Variants in CADPS observed in about 807,000 individuals in gnomAD.
The protein encoded by CADPS is calcium-dependent secretion activator 1.
Under a neutral mutation model 167.3 loss-of-function variants are expected in CADPS, and 57 were observed. The observed-to-expected ratio is 0.34, with a 90% CI of 0.28 to 0.42. The LOEUF is 0.42. CADPS is among the 20% of genes least tolerant of loss of function. The probability of loss-of-function intolerance (pLI) is 1.00; values close to 1 mark genes in which losing one functional copy is unlikely to be tolerated. For synonymous variants in CADPS, 676 were observed against 635.3 expected, an observed-to-expected ratio of 1.06 and a Z score of -0.96; for missense variants, 1,414 against 1,738.1, an observed-to-expected ratio of 0.81 and a Z score of 3.32.
chr3:62,580,059 A>T (rs115315766), intron 8 of CADPS, among the ~76,000 whole-genome samples: 4,275 of 152,244 alleles, frequency 0.028, 101 homozygotes, highest in South Asian at 0.049. Flanking sequence ...TGAGAGGCTG[A>T]GGTGGGAGGA....
At position 62,715,753 on chromosome 3, in the gene CADPS, CTTTTTT is replaced by C. The variant is rs71123291; in HGVS notation, c.888+37682_888+37687del. ...ATTTCAATTTATAATGATTATAAATCTTTTTTTTTTTTTTTTTTTTTGAGATGGAGT... is the reference window on the plus strand; with the variant it reads ...ATTTCAATTTATAATGATTATAAATCTTTTTTTTTTTTTTTGAGATGGAGT... On this transcript the variant is annotated intron_variant, in intron 3 of 29. Coordinates refer to ENST00000383710, the MANE Select transcript of CADPS (RefSeq NM_003716.4). Among the ~76,000 whole-genome samples the C allele has an allele frequency of 1.7e-4, 15 of 89,714 alleles. No individual in the cohort carries two copies. The Admixed American group carries it at 2.3e-3, about 14-fold the overall frequency. 58.9% of individuals were successfully genotyped at this position (89,714 alleles called of 152,430 possible). A position where few individuals can be genotyped will look rare whatever the true frequency, so the allele number is the denominator to read the frequency against.
intron 21 of CADPS, among the ~76,000 whole-genome samples, chr3:62,483,634 G>A (rs1289964742): frequency 6.6e-6 from 1 of 152,010 alleles, no homozygotes; most frequent in African/African-American, 2.4e-5. Flanking sequence ...GAACTAAAGG[G>A]TGCTCTTGTG....
chr3:62,479,087 G>A (rs1233627978), intron 22 of CADPS, among the ~76,000 whole-genome samples: 3 of 152,182 alleles, frequency 2.0e-5, no homozygotes, highest in Non-Finnish European at 2.9e-5. Flanking sequence ...GAGGTGAGTC[G>A]AGACAGTGGA....
chr3:62,520,716 T>C (rs2070313091), intron 13 of CADPS, among the ~76,000 whole-genome samples: 1 of 152,212 alleles, frequency 6.6e-6, no homozygotes, highest in Non-Finnish European at 1.5e-5. Flanking sequence ...CCAGAATTGC[T>C]CTGAAATGGT....
chr3:62,669,584 G>A (rs7647695), intron 3 of CADPS, among the ~76,000 whole-genome samples: 2,267 of 152,268 alleles, frequency 0.015, 57 homozygotes, highest in African/African-American at 0.05. Flanking sequence ...GTAGAACACG[G>A]TCAGCAGGTG....
chr3:62,786,039 C>T (rs1270802846), intron 1 of CADPS, among the ~76,000 whole-genome samples: 1 of 151,718 alleles, frequency 6.6e-6, no homozygotes, highest in Admixed American at 6.6e-5. Flanking sequence ...GTGGTGAAAC[C>T]CCGTCTCTAC....
intron 4 of CADPS, among the ~76,000 whole-genome samples, chr3:62,655,340 CA>C: frequency 6.6e-6 from 1 of 152,184 alleles, no homozygotes; most frequent in African/African-American, 2.4e-5. Context: ...TTTTCAAGCA[CA>C]AAAATAGATC....
intron 13 of CADPS, among the ~76,000 whole-genome samples, chr3:62,528,179 T>C (rs911704029): frequency 6.6e-6 from 1 of 152,182 alleles, no homozygotes; most frequent in Admixed American, 6.5e-5. Context: ...TCACACCATA[T>C]ACAAGTGCTA....
At chr3:62,767,321 A>G (rs923136614) in intron 1 of CADPS, among the ~76,000 whole-genome samples, 1 of 152,138 alleles carries the variant, frequency 6.6e-6, no homozygotes, top group Non-Finnish European at 1.5e-5. Context: ...CCTGAGAGTG[A>G]AGAGCCAGCC....
At chr3:62,857,057 TC>T (rs1171583083) in intron 1 of CADPS, among the ~76,000 whole-genome samples, 3 of 151,962 alleles carry the variant, frequency 2.0e-5, no homozygotes, top group African/African-American at 7.2e-5. Context: ...ATAAAAACGG[TC>T]CATCACAAAT....
At chr3:62,599,672 TA>T in intron 6 of CADPS, among the ~76,000 whole-genome samples, 2 of 57,022 alleles carry the variant, frequency 3.5e-5, no homozygotes, top group African/African-American at 1.6e-4. Context: ...ATATATTATA[TA>T]TACAATATTA....
intron 8 of CADPS, among the ~76,000 whole-genome samples, chr3:62,582,513 C>T (rs1194772458): frequency 3.9e-5 from 6 of 152,066 alleles, no homozygotes; most frequent in African/African-American, 1.4e-4. Flanking sequence ...ATATTTCTAC[C>T]CTCCTTTACA....
At chr3:62,844,520 A>T (rs1356122323) in intron 1 of CADPS, among the ~76,000 whole-genome samples, 2 of 152,126 alleles carry the variant, frequency 1.3e-5, no homozygotes, top group Non-Finnish European at 2.9e-5. Flanking sequence ...CCACTCCCCA[A>T]CCCTCATGAA....
intron 28 of CADPS, among the ~76,000 whole-genome samples, chr3:62,411,730 G>A (rs1039681972): frequency 6.6e-6 from 1 of 152,186 alleles, no homozygotes; most frequent in African/African-American, 2.4e-5. Flanking sequence ...GTCTGACAAA[G>A]AAACCCTGGC....
chr3:62,437,318 A>G (rs962645842), intron 28 of CADPS, among the ~76,000 whole-genome samples: 4 of 150,050 alleles, frequency 2.7e-5, no homozygotes, highest in Non-Finnish European at 5.9e-5. Flanking sequence ...AGAGATAGGC[A>G]ATTTGAGACT....
chr3:62,490,288 C>A (rs186408388), intron 21 of CADPS, among the ~76,000 whole-genome samples: 151 of 151,844 alleles, frequency 9.9e-4, no homozygotes, highest in African/African-American at 3.2e-3. Context: ...CTAGCATGAA[C>A]GAAATGATTT....
At chr3:62,865,464 G>T (rs751067752) in intron 1 of CADPS, among the ~76,000 whole-genome samples, 8 of 150,332 alleles carry the variant, frequency 5.3e-5, no homozygotes, top group Non-Finnish European at 1.2e-4. Flanking sequence ...ATTCTGAGAA[G>T]CACGTGATGA....
chr3:62,673,294 C>T (rs2075845129), intron 3 of CADPS, among the ~76,000 whole-genome samples: 1 of 152,134 alleles, frequency 6.6e-6, no homozygotes. Context: ...GTGTCTGACA[C>T]TTAATAGGTG....
At chr3:62,656,625 C>T (rs1397221122) in intron 4 of CADPS, among the ~76,000 whole-genome samples, 1 of 152,150 alleles carries the variant, frequency 6.6e-6, no homozygotes, top group Non-Finnish European at 1.5e-5. Flanking sequence ...GCTGAGCCCT[C>T]CACAGCAATG....
Sources: gnomAD v4.1 joint callset for allele counts (sites outside exome capture counted in the v4.1 genomes callset) on GRCh38, gnomAD v4.1.1 for gene constraint, MANE v1.5 for transcripts, NCBI Gene and HGNC (gene_info 2026-07-23, HGNC 2026-07-21) for gene names.